The following BTBD8 variants were observed in gnomAD, a reference collection of about 807,000 sequenced individuals.
BTBD8 encodes BTB domain containing 8.
In BTBD8, 110 loss-of-function variants were observed where a neutral mutation model predicts 162.9. That is an observed-to-expected ratio of 0.68 (90% CI 0.58 to 0.79). BTBD8 has a LOEUF of 0.79. Ranked by LOEUF, BTBD8 falls within the 30% of genes least tolerant of loss-of-function variation. The pLI, the probability that BTBD8 is intolerant of heterozygous loss-of-function variation, is 0.00. For missense variants in BTBD8, 1,905 were observed against 2,085.4 expected (o/e 0.91, Z 1.68); for synonymous variants, 667 against 716.1 (o/e 0.93, Z 1.10).
intron 1 of BTBD8, among the ~76,000 whole-genome samples, chr1:92,087,313 G>T (rs1570711845): frequency 6.6e-6 from 1 of 152,038 alleles, no homozygotes; most frequent in East Asian, 1.9e-4. Flanking sequence ...TGGGATGGGG[G>T]GAAGGAGGGT....
In BTBD8 at chr1:92,102,658, T is replaced by A. The variant is rs1481761158; in HGVS notation, c.533T>A (p.Phe178Tyr). ...PEDISDRDDD[F>Y]ISNDNYDLEP... The stretch of plus-strand genomic sequence containing the variant: ...GATATCAGTGACAGAGATGATGATT[T>A]CATTTCCAATGGTGAGGTATTTTTT... The change falls in exon 3 of 18, where the codon TTC becomes TAC. Residue 178 changes from phenylalanine to tyrosine, a missense_variant. Transcript: ENST00000636805. 6.7e-7 allele frequency: 1 copy of A among 1,485,242 alleles called. No individual in the cohort carries two copies. 92.0% of individuals were successfully genotyped at this position (1,485,242 alleles called of 1,614,324 possible). A position where few individuals can be genotyped will look rare whatever the true frequency, so the allele number is the denominator to read the frequency against.
intron 2 of BTBD8, among the ~76,000 whole-genome samples, chr1:92,089,626 G>A (rs148496973): frequency 2.8e-4 from 42 of 152,234 alleles, no homozygotes; most frequent in Non-Finnish European, 4.1e-4. Context: ...TGAAGATAGC[G>A]TCTTCTCTGT....
intron 11 of BTBD8, 109 bp from the exon 12 acceptor site, chr1:92,168,757 G>A: frequency 9.6e-7 from 1 of 1,045,708 alleles, no homozygotes; most frequent in Middle Eastern, 2.2e-4. Flanking sequence ...AAATCTAAAT[G>A]ATGACATCAT....
At chr1:92,143,051 T>C (rs1462212462) in intron 7 of BTBD8, among the ~76,000 whole-genome samples, 1 of 152,070 alleles carries the variant, frequency 6.6e-6, no homozygotes, top group Non-Finnish European at 1.5e-5. Flanking sequence ...AAAAGATAGG[T>C]GTTAAAATAG....
intron 13 of BTBD8, among the ~76,000 whole-genome samples, chr1:92,174,024 A>G (rs956966675): frequency 1.3e-5 from 2 of 152,134 alleles, no homozygotes; most frequent in African/African-American, 4.8e-5. Context: ...CTTAGTACCA[A>G]AATACTTAAG....
chr1:92,099,443 G>A lies in BTBD8; in HGVS notation c.348-3030G>A, dbSNP rs115922294. 1.7e-3 allele frequency among the ~76,000 whole-genome samples: 261 copies of A among 150,288 alleles called. 3 individuals are homozygous for A. Among genetic ancestry groups the A allele is most frequent in the African/African-American group, 5.8e-3 (239 of 40,918 alleles). ...TGCAAAAAAAAAAAAAAAGTCAGCT[G>A]GAATTTTAATAGAGATTGCATTTAA... On this transcript the variant is annotated intron_variant, in intron 2 of 17. Coordinates refer to ENST00000636805, the MANE Select transcript of BTBD8 (RefSeq NM_001376131.1).
rs61744732 is a variant in BTBD8, at chr1:92,180,758, G to A, written c.3075G>A (p.Ala1025=). 45 of 1,551,568 alleles carry A rather than the reference G, an allele frequency of 2.9e-5. No individual in the cohort carries two copies. Among genetic ancestry groups the A allele is most frequent in the South Asian group, 2.3e-4 (19 of 84,064 alleles). ...PLNDQEKEKL[A]LECQNISKLD... ...ACGATCAAGAAAAAGAGAAGTTGGC[G>A]TTAGAATGCCAAAATATTTCAAAGC... Residue 1025 remains alanine, a synonymous_variant, in exon 17 of 18, where the codon GCG becomes GCA. Coordinates refer to ENST00000636805, the MANE Select transcript of BTBD8 (RefSeq NM_001376131.1).
In BTBD8 at chr1:92,181,809, G is replaced by A; in HGVS notation, c.4126G>A (p.Asp1376Asn). The change falls in exon 17 of 18, where the codon GAT (aspartate) becomes AAT (asparagine). Residue 1376 changes from aspartate to asparagine, a missense_variant. Coordinates refer to ENST00000636805, the MANE Select transcript of BTBD8 (RefSeq NM_001376131.1). ...RGSVQFAQEIDQVSSSADETE... is the reference protein window; with the variant it reads ...RGSVQFAQEINQVSSSADETE... ...CAGTGTCCAGTTTGCTCAGGAAATA[G>A]ATCAGGTATCTTCTTCAGCAGATGA... The A allele has an allele frequency of 1.3e-6, 2 of 1,551,154 alleles. No individual in the cohort carries two copies. Among genetic ancestry groups the A allele is most frequent in the Non-Finnish European group, 1.7e-6 (2 of 1,146,916 alleles).
At chr1:92,092,752 G>A (rs1189606677) in intron 2 of BTBD8, among the ~76,000 whole-genome samples, 1 of 152,080 alleles carries the variant, frequency 6.6e-6, no homozygotes, top group Admixed American at 6.6e-5. Context: ...TTGGATTTTC[G>A]GGTTTTTATG....
At chr1:92,126,431 A>G in intron 4 of BTBD8, 1 of 914,238 alleles carries the variant, frequency 1.1e-6, no homozygotes, top group Non-Finnish European at 1.7e-6. Flanking sequence ...CAAACGAAAC[A>G]TCCAGCAGTA....
chr1:92,137,569 A>G (rs574714168), intron 5 of BTBD8, among the ~76,000 whole-genome samples: 1 of 152,242 alleles, frequency 6.6e-6, no homozygotes, highest in Non-Finnish European at 1.5e-5. Context: ...GGGGCCCAAT[A>G]AATAGCATAC....
Position 92,111,653 on chromosome 1 carries a change from A to G in BTBD8, c.662+3652A>G, listed in dbSNP as rs150563766. ...TTTCAATATTTTTATCTGTAAAAGG[A>G]ATAGTAGTAGAAATTATAGCATGGG... On this transcript the variant is annotated intron_variant, in intron 4 of 17. Transcript: ENST00000636805. Among the ~76,000 whole-genome samples the G allele has an allele frequency of 9.0e-3, 1,366 of 152,298 alleles. 17 individuals are homozygous for G. The highest frequency in any genetic ancestry group is 0.031 in the African/African-American group (1,285 of 41,548).
chr1:92,173,139 G>A (rs1242175027), intron 13 of BTBD8, among the ~76,000 whole-genome samples: 1 of 152,164 alleles, frequency 6.6e-6, no homozygotes, highest in Non-Finnish European at 1.5e-5. Context: ...TGTTCAGGCT[G>A]GTCTCGAACT....
At chr1:92,098,750 C>A (rs144329765) in intron 2 of BTBD8, among the ~76,000 whole-genome samples, 2 of 152,194 alleles carry the variant, frequency 1.3e-5, no homozygotes, top group Non-Finnish European at 2.9e-5. Context: ...CTAATCACGT[C>A]CTTTGCCCAT....
chr1:92,137,063 G>A (rs1174888476), intron 5 of BTBD8, among the ~76,000 whole-genome samples: 2 of 152,156 alleles, frequency 1.3e-5, no homozygotes, highest in African/African-American at 2.4e-5. Flanking sequence ...AACGGTATGT[G>A]CTAAGACATG....
intron 4 of BTBD8, among the ~76,000 whole-genome samples, chr1:92,119,539 A>G (rs1472918571): frequency 1.3e-5 from 2 of 151,524 alleles, no homozygotes; most frequent in Admixed American, 6.6e-5. Flanking sequence ...TCCTGCCTCA[A>G]TCTCCCCAAG....
intron 13 of BTBD8, among the ~76,000 whole-genome samples, chr1:92,175,477 C>CAAAAAAAAAAAAA (rs71091265): frequency 3.7e-4 from 14 of 37,454 alleles, no homozygotes; most frequent in African/African-American, 1.1e-3. Context: ...GACTCCATCT[C>CAAAAAAAAAAAAA]AAAAAAAAAA....
At chr1:92,107,644 T>C (rs1648769107) in intron 3 of BTBD8, among the ~76,000 whole-genome samples, 1 of 152,200 alleles carries the variant, frequency 6.6e-6, no homozygotes, top group Admixed American at 6.5e-5. Context: ...CATTAAGGGA[T>C]GCATGACTGT....
intron 2 of BTBD8, among the ~76,000 whole-genome samples, chr1:92,098,080 G>A (rs1461318497): frequency 6.6e-6 from 1 of 152,070 alleles, no homozygotes; most frequent in Non-Finnish European, 1.5e-5. Flanking sequence ...ACGTGTACTC[G>A]AATTCCAGAC....
Sources: gnomAD v4.1 joint callset for allele counts (sites outside exome capture counted in the v4.1 genomes callset) on GRCh38, gnomAD v4.1.1 for gene constraint, MANE v1.5 for transcripts, NCBI Gene and HGNC (gene_info 2026-07-23, HGNC 2026-07-21) for gene names.